TCTN3: variants seen among roughly 807,000 people sequenced by gnomAD.
TCTN3 encodes the protein tectonic family member 3.
TCTN3 carries 57 observed loss-of-function variants against 71.3 expected under a neutral mutation model. The ratio of observed to expected loss-of-function variants is 0.80; its 90% CI spans 0.65 to 1.00. TCTN3 has a LOEUF of 1.00. Ranked by LOEUF, TCTN3 falls within the 50% of genes least tolerant of loss-of-function variation. The probability of loss-of-function intolerance (pLI) is 0.00; values close to 1 mark genes in which losing one functional copy is unlikely to be tolerated. For missense variants in TCTN3, 696 were observed against 719.9 expected, an observed-to-expected ratio of 0.97 and a Z score of 0.38; for synonymous variants, 258 against 267.8, an observed-to-expected ratio of 0.96 and a Z score of 0.36.
chr10:95,687,577 C>A lies in TCTN3; in HGVS notation c.627+15G>T. 1 of 1,610,786 alleles carries A rather than the reference C, an allele frequency of 6.2e-7. No individual in the cohort carries two copies. Among genetic ancestry groups the A allele is most frequent in the Middle Eastern group, 1.7e-4 (1 of 6,054 alleles). On this transcript the variant is annotated intron_variant, in intron 4 of 13. Transcript: ENST00000371217. ...AAACTAAACCAAACAATCCCATCCC[C>A]TTCCCCAGGCTCACCCTGTAAAAAG...
At chr10:95,677,485 T>TTTG (rs1555269137) in intron 13 of TCTN3, among the ~76,000 whole-genome samples, 1 of 116,728 alleles carries the variant, frequency 8.6e-6, no homozygotes, top group African/African-American at 3.5e-5. Context: ...TTTTTTTTGT[T>TTTG]TTTTTTTTTT....
At chr10:95,688,427 A>C (rs74695818) in intron 3 of TCTN3, among the ~76,000 whole-genome samples, 1 of 148,654 alleles carries the variant, frequency 6.7e-6, no homozygotes, top group South Asian at 2.1e-4. Flanking sequence ...AAGAAAAAAA[A>C]AGAAAATAGG....
At chr10:95,689,788 T>C (rs1398022290) in intron 3 of TCTN3, among the ~76,000 whole-genome samples, 1 of 152,156 alleles carries the variant, frequency 6.6e-6, no homozygotes, top group Non-Finnish European at 1.5e-5. Flanking sequence ...AAAGGAAGCC[T>C]ACAGACCATC....
intron 12 of TCTN3, among the ~76,000 whole-genome samples, chr10:95,682,352 T>A (rs2097943808): frequency 6.6e-6 from 1 of 151,930 alleles, no homozygotes; most frequent in Admixed American, 6.6e-5. Context: ...TAGCCGGGTG[T>A]GGTGGCGGGT....
chr10:95,678,619 T>C lies in TCTN3; in HGVS notation c.1590+1853A>G, dbSNP rs1311541852. Among the ~76,000 whole-genome samples, 4 of 150,510 alleles carry C rather than the reference T, an allele frequency of 2.7e-5. No individual in the cohort carries two copies. The South Asian group carries it at 6.3e-4, about 24-fold the overall frequency. ...GAAGTGATTTCAAGTTAAGGACAAATAATCATAAATGCATAAAGAAAAAGT... is the reference window on the plus strand; with the variant it reads ...GAAGTGATTTCAAGTTAAGGACAAACAATCATAAATGCATAAAGAAAAAGT... On this transcript the variant is annotated intron_variant, in intron 13 of 13. Transcript: ENST00000371217.
intron 3 of TCTN3, among the ~76,000 whole-genome samples, chr10:95,688,530 T>C (rs965994209): frequency 2.0e-5 from 3 of 152,022 alleles, no homozygotes; most frequent in Non-Finnish European, 4.4e-5. Context: ...TAGAGACAAT[T>C]ATGATAATTA....
intron 3 of TCTN3, among the ~76,000 whole-genome samples, chr10:95,690,914 A>T (rs1233446936): frequency 1.3e-5 from 2 of 152,206 alleles, no homozygotes; most frequent in African/African-American, 4.8e-5. Flanking sequence ...CTAAACATGA[A>T]TGTACACCCC....
chr10:95,683,782 GCTT>G (rs2097945594), intron 9 of TCTN3, among the ~76,000 whole-genome samples, 153 bp from the exon 10 acceptor site: 1 of 152,146 alleles, frequency 6.6e-6, no homozygotes, highest in Non-Finnish European at 1.5e-5. Flanking sequence ...GTAGCATTTT[GCTT>G]CTTTCACTTT....
chr10:95,665,184 C>T (rs1215124100), intron 13 of TCTN3, among the ~76,000 whole-genome samples: 1 of 152,214 alleles, frequency 6.6e-6, no homozygotes, highest in Non-Finnish European at 1.5e-5. Context: ...TCATCACTCA[C>T]TGCAGCCTTG....
intron 13 of TCTN3, among the ~76,000 whole-genome samples, chr10:95,669,743 C>T (rs1274846033): frequency 6.6e-6 from 1 of 152,068 alleles, no homozygotes; most frequent in Non-Finnish European, 1.5e-5. Context: ...TAATAAATCA[C>T]AAAGTAGAAA....
chr10:95,690,047 T>C (rs1345929172), intron 3 of TCTN3, among the ~76,000 whole-genome samples: 3 of 152,176 alleles, frequency 2.0e-5, no homozygotes, highest in East Asian at 1.9e-4. Context: ...GGCTGCAGTA[T>C]AGTAGCATGA....
chr10:95,693,052 G>C lies in TCTN3; in HGVS notation c.381-14C>G. ...CAGCTTGAAGACCTGTGAGGAAAGA[G>C]GAGGGAGAAGATATATTTAGAAGGG... On this transcript the variant is annotated splice_polypyrimidine_tract_variant and intron_variant, in intron 2 of 13. Transcript: ENST00000371217. 1 of 1,582,488 alleles carries C rather than the reference G, an allele frequency of 6.3e-7. No individual in the cohort carries two copies. The highest frequency in any genetic ancestry group is 2.3e-5 in the East Asian group (1 of 43,996).
chr10:95,686,492 T>C lies in TCTN3; in HGVS notation c.888+3A>G, dbSNP rs749620204. ...CTTTTTTCCTGGTACAACAGCATCA[T>C]ACCTCCATATTCTGTGGATCAGTCA... On this transcript the variant is annotated splice_donor_region_variant and intron_variant, in intron 7 of 13. Transcript: ENST00000371217. 9.9e-6 allele frequency: 16 copies of C among 1,613,982 alleles called. No individual in the cohort carries two copies. Among genetic ancestry groups the C allele is most frequent in the African/African-American group, 9.3e-5 (7 of 74,926 alleles).
At chr10:95,671,648 C>A (rs1281779855) in intron 13 of TCTN3, among the ~76,000 whole-genome samples, 1 of 152,214 alleles carries the variant, frequency 6.6e-6, no homozygotes, top group Non-Finnish European at 1.5e-5. Flanking sequence ...ATCTTTGGTA[C>A]AAGTGTCTAA....
chr10:95,664,996 ACC>A (rs2097924455), intron 13 of TCTN3, among the ~76,000 whole-genome samples: 1 of 152,036 alleles, frequency 6.6e-6, no homozygotes, highest in Admixed American at 6.6e-5. Context: ...TTCTTCAATC[ACC>A]CTCCTTCACT....
intron 3 of TCTN3, among the ~76,000 whole-genome samples, chr10:95,688,537 A>G (rs1409358591): frequency 6.6e-6 from 1 of 152,094 alleles, no homozygotes; most frequent in Non-Finnish European, 1.5e-5. Context: ...AATTATGATA[A>G]TTATTTGATC....
At chr10:95,677,732 G>C (rs2139724097) in intron 13 of TCTN3, among the ~76,000 whole-genome samples, 1 of 152,174 alleles carries the variant, frequency 6.6e-6, no homozygotes, top group Non-Finnish European at 1.5e-5. Flanking sequence ...AAGAGAAGTG[G>C]GATGGTGAAG....
At chr10:95,686,900 G>T in intron 6 of TCTN3, 144 bp downstream of exon 6, 1 of 656,512 alleles carries the variant, frequency 1.5e-6, no homozygotes, top group Non-Finnish European at 2.7e-6. Context: ...GTCTTCAGAT[G>T]TGGTTTCCAG....
intron 13 of TCTN3, among the ~76,000 whole-genome samples, chr10:95,670,743 C>T (rs1015293346): frequency 6.6e-6 from 1 of 152,070 alleles, no homozygotes; most frequent in African/African-American, 2.4e-5. Context: ...GCTCACTGCA[C>T]CCTCGACCTC....
Sources: gnomAD v4.1 joint callset for allele counts (sites outside exome capture counted in the v4.1 genomes callset) on GRCh38, gnomAD v4.1.1 for gene constraint, MANE v1.5 for transcripts, NCBI Gene and HGNC (gene_info 2026-07-23, HGNC 2026-07-21) for gene names.